CLIP4: variants seen among roughly 807,000 people sequenced by gnomAD.
The protein encoded by CLIP4 is CAP-Gly domain-containing linker protein 4.
In CLIP4, 47 loss-of-function variants were observed where a neutral mutation model predicts 73.1. The observed-to-expected ratio is 0.64, with a 90% confidence interval of 0.51 to 0.82. The LOEUF is 0.82. Among genes scored for constraint, CLIP4 ranks in the 40% least tolerant of loss-of-function variants. The pLI, the probability that CLIP4 is intolerant of heterozygous loss-of-function variation, is 0.00. For missense variants in CLIP4, 874 were observed against 852.9 expected, an observed-to-expected ratio of 1.02 and a Z score of -0.31; for synonymous variants, 306 against 295.4, an observed-to-expected ratio of 1.04 and a Z score of -0.37.
At chr2:29,135,516 T>C (rs761216879) in intron 5 of CLIP4, 32 bp from the exon 6 acceptor site, 5 of 1,482,602 alleles carry the variant, frequency 3.4e-6, no homozygotes, top group East Asian at 2.4e-5. Flanking sequence ...GTTTAAACTT[T>C]TAGTTAATAT....
At chr2:29,139,897 T>C (rs1665639185) in intron 6 of CLIP4, among the ~76,000 whole-genome samples, 1 of 152,098 alleles carries the variant, frequency 6.6e-6, no homozygotes, top group African/African-American at 2.4e-5. Flanking sequence ...TAGCTAGCAG[T>C]CTGTCAATCT....
chr2:29,124,930 C>A (rs1186414670), intron 2 of CLIP4, among the ~76,000 whole-genome samples: 1 of 152,152 alleles, frequency 6.6e-6, no homozygotes, highest in Non-Finnish European at 1.5e-5. Context: ...TTTCTTCTTT[C>A]TTTGCTTGCC....
At chr2:29,112,121 T>C (rs1558507258), upstream of CLIP4, among the ~76,000 whole-genome samples, 1 of 152,234 alleles carries the variant, frequency 6.6e-6, no homozygotes, top group Non-Finnish European at 1.5e-5. Flanking sequence ...TGTTTCCTAT[T>C]TGCTCTATGT....
Position 29,130,892 on chromosome 2 carries a change from G to A in CLIP4, c.134-366G>A, listed in dbSNP as rs1031457541. 7.0e-6 allele frequency: 9 copies of A among 1,290,406 alleles called. No homozygotes were observed. In the South Asian group the frequency reaches 8.7e-5, roughly 12 times the overall value. 79.9% of individuals were successfully genotyped at this position (1,290,406 alleles called of 1,614,324 possible). A position where few individuals can be genotyped will look rare whatever the true frequency, so the allele number is the denominator to read the frequency against. ...TGTTACAATCTGAGCTCAGTGGTGAGTTACCTCAGCAAGTAGAATAATAGA... is the reference window on the plus strand; with the variant it reads ...TGTTACAATCTGAGCTCAGTGGTGAATTACCTCAGCAAGTAGAATAATAGA... On this transcript the variant is annotated intron_variant, in intron 2 of 15. Transcript: ENST00000320081.
Position 29,121,404 on chromosome 2 carries a change from C to T in CLIP4, c.16C>T (p.Leu6Phe), listed in dbSNP as rs1194329930. The T allele has an allele frequency of 5.0e-6, 8 of 1,613,246 alleles. No individual in the cohort carries two copies. The highest frequency in any genetic ancestry group is 4.5e-5 in the East Asian group (2 of 44,834). MTIED[L>F]PDFPLEGNPL... is the part of the protein sequence containing the mutation. ...TTTCTAGAAGATGACCATAGAGGAC[C>T]TTCCAGATTTTCCATTAGAAGGAAA... Residue 6 changes from leucine to phenylalanine, a missense_variant, in exon 2 of 16, where the codon CTT becomes TTT. By Grantham distance (22) the Leu-to-Phe change is conservative. Transcript: ENST00000320081.
Position 29,183,170 on chromosome 2 carries a change from C to A in CLIP4, c.*1277C>A, listed in dbSNP as rs1668723548. The A allele has an allele frequency of 6.6e-6, 1 of 152,574 alleles. No individual in the cohort carries two copies. The highest frequency in any genetic ancestry group is 1.5e-5 in the Non-Finnish European group (1 of 68,018). 9.5% of individuals were successfully genotyped at this position (152,574 alleles called of 1,614,324 possible). A position where few individuals can be genotyped will look rare whatever the true frequency, so the allele number is the denominator to read the frequency against. On this transcript the variant is annotated 3_prime_UTR_variant, in exon 16 of 16. Transcript: ENST00000320081. Reference sequence around the variant, plus strand: ...TTTATGTCCTGTCTGTGTAAAGATTCATCTTTTATTGTAAATATTTAGACT... The same window carrying A: ...TTTATGTCCTGTCTGTGTAAAGATTAATCTTTTATTGTAAATATTTAGACT...
At chr2:29,127,445 T>G (rs1337101315) in intron 2 of CLIP4, among the ~76,000 whole-genome samples, 1 of 152,216 alleles carries the variant, frequency 6.6e-6, no homozygotes, top group East Asian at 1.9e-4. Context: ...CATTTTTGTT[T>G]ACAAAAGTAT....
chr2:29,130,356 G>A (rs1324523608), intron 2 of CLIP4, among the ~76,000 whole-genome samples: 8 of 152,188 alleles, frequency 5.3e-5, no homozygotes, highest in Non-Finnish European at 1.0e-4. Context: ...CTTGTCTCAC[G>A]AAGGTTATAG....
chr2:29,124,590 G>A (rs1250158746), intron 2 of CLIP4, among the ~76,000 whole-genome samples: 10 of 99,312 alleles, frequency 1.0e-4, no homozygotes, highest in Non-Finnish European at 1.7e-4. Flanking sequence ...TAGACTGCTT[G>A]AAGTTGTCCC....
chr2:29,148,771 T>C (rs899445206), intron 8 of CLIP4, among the ~76,000 whole-genome samples: 1 of 152,192 alleles, frequency 6.6e-6, no homozygotes, highest in African/African-American at 2.4e-5. Context: ...CAACAAAGTA[T>C]TACCTTAAAT....
chr2:29,145,519 T>A, intron 8 of CLIP4, 152 bp downstream of exon 8: 1 of 604,702 alleles, frequency 1.7e-6, no homozygotes, highest in Non-Finnish European at 2.8e-6. Flanking sequence ...AGATAGGAGA[T>A]AGTTATATTT....
chr2:29,140,616 A>ACT (rs1451846889), intron 6 of CLIP4, among the ~76,000 whole-genome samples: 1 of 152,150 alleles, frequency 6.6e-6, no homozygotes. Flanking sequence ...GGCTGGGTCA[A>ACT]ATGGTATTTC....
intron 15 of CLIP4, among the ~76,000 whole-genome samples, 170 bp from the exon 16 acceptor site, chr2:29,181,400 GTA>G (rs1429094389): frequency 2.0e-5 from 3 of 152,112 alleles, no homozygotes; most frequent in African/African-American, 4.8e-5. Flanking sequence ...TGGGTCAACT[GTA>G]TACTCTAAAA....
chr2:29,120,762 G>C (rs10209434), intron 1 of CLIP4, among the ~76,000 whole-genome samples: 3,385 of 152,222 alleles, frequency 0.022, 125 homozygotes, highest in African/African-American at 0.077. Flanking sequence ...CTGGGAAAAA[G>C]AGGTAATATA....
At chr2:29,177,137 A>G (rs1490777779) in intron 15 of CLIP4, among the ~76,000 whole-genome samples, 1 of 152,156 alleles carries the variant, frequency 6.6e-6, no homozygotes, top group African/African-American at 2.4e-5. Flanking sequence ...GGCCAGGCAC[A>G]GTGGCTCATG....
At chr2:29,140,610 G>GA (rs1558539678) in intron 6 of CLIP4, among the ~76,000 whole-genome samples, 1 of 151,912 alleles carries the variant, frequency 6.6e-6, no homozygotes. Context: ...TGGGATGGCT[G>GA]GGTCAAATGG....
chr2:29,122,337 C>T (rs1373159443), intron 2 of CLIP4, among the ~76,000 whole-genome samples: 1 of 150,332 alleles, frequency 6.7e-6, no homozygotes, highest in Non-Finnish European at 1.5e-5. Context: ...TGGGAGTTAT[C>T]TGCAGGTTTT....
intron 1 of CLIP4, among the ~76,000 whole-genome samples, chr2:29,100,893 A>G (rs1249461546): frequency 1.3e-5 from 2 of 152,128 alleles, no homozygotes; most frequent in Non-Finnish European, 2.9e-5. Context: ...GGATAGATGT[A>G]TAAATGAAGA....
intron 2 of CLIP4, among the ~76,000 whole-genome samples, chr2:29,125,047 T>C (rs1225555886): frequency 6.6e-6 from 1 of 152,198 alleles, no homozygotes; most frequent in African/African-American, 2.4e-5. Flanking sequence ...GGATACAGTT[T>C]AGTTACTTGG....
Sources: allele counts gnomAD v4.1 joint callset (sites outside exome capture counted in the v4.1 genomes callset), GRCh38; gene constraint gnomAD v4.1.1; transcripts MANE v1.5; gene names NCBI Gene and HGNC (gene_info 2026-07-23, HGNC 2026-07-21).